The following FABP6 variants were observed in gnomAD, a reference collection of about 807,000 sequenced individuals.
FABP6 encodes gastrotropin.
In FABP6, 13 loss-of-function variants were observed where a neutral mutation model predicts 14.9. The observed-to-expected ratio is 0.87, with a 90% CI of 0.57 to 1.39. The LOEUF (loss-of-function observed/expected upper bound fraction) is 1.39, where lower values mean the gene tolerates loss of function less well. FABP6 is among the 40% of genes most tolerant of loss of function. FABP6 has a pLI of 0.00. For missense variants in FABP6, 161 were observed against 167.2 expected, an observed-to-expected ratio of 0.96 and a Z score of 0.20; for synonymous variants, 75 against 63.6, an observed-to-expected ratio of 1.18 and a Z score of -0.85.
intron 1 of FABP6, among the ~76,000 whole-genome samples, chr5:160,189,146 G>C (rs568092526): frequency 6.6e-6 from 1 of 152,270 alleles, no homozygotes; most frequent in Non-Finnish European, 1.5e-5. Context: ...CCATGGATAA[G>C]ACATAAACGA....
chr5:160,227,749 C>A (rs1199927947), upstream of FABP6, among the ~76,000 whole-genome samples: 1 of 151,634 alleles, frequency 6.6e-6, no homozygotes, highest in Non-Finnish European at 1.5e-5. Flanking sequence ...CACAGGCCAC[C>A]TCTGACAGGA....
At chr5:160,235,417 C>T (rs1349986866) in intron 3 of FABP6, among the ~76,000 whole-genome samples, 8 of 152,184 alleles carry the variant, frequency 5.3e-5, no homozygotes, top group Non-Finnish European at 1.5e-5. Flanking sequence ...TAAATATTGG[C>T]AACTAATTAA....
chr5:160,218,738 G>A (rs554227344), intron 3 of FABP6, among the ~76,000 whole-genome samples: 1 of 151,674 alleles, frequency 6.6e-6, no homozygotes, highest in South Asian at 2.1e-4. Flanking sequence ...TGGGATTACG[G>A]GCATGAGCCA....
intron 3 of FABP6, chr5:160,213,874 C>A: frequency 7.0e-7 from 1 of 1,436,914 alleles, no homozygotes; most frequent in Non-Finnish European, 9.8e-7. Context: ...GATTCTGGTT[C>A]TAGTTCCTCA....
At chr5:160,224,316 C>G (rs985307920) in intron 3 of FABP6, among the ~76,000 whole-genome samples, 2 of 152,012 alleles carry the variant, frequency 1.3e-5, no homozygotes, top group African/African-American at 2.4e-5. Flanking sequence ...CCTAGCTACT[C>G]GTGAGCCTGA....
At chr5:160,188,586 C>T (rs921644862) in intron 1 of FABP6, among the ~76,000 whole-genome samples, 4 of 152,182 alleles carry the variant, frequency 2.6e-5, no homozygotes, top group African/African-American at 4.8e-5. Flanking sequence ...CCGGGGACCC[C>T]GCTAAACGGA....
chr5:160,208,997 C>G (rs1017344470), intron 2 of FABP6, among the ~76,000 whole-genome samples: 9 of 151,628 alleles, frequency 5.9e-5, no homozygotes, highest in Admixed American at 1.3e-4. Context: ...AGGCTGGTCT[C>G]AAACTCCTGA....
At chr5:160,189,117 G>A (rs1463827317) in intron 1 of FABP6, among the ~76,000 whole-genome samples, 3 of 152,080 alleles carry the variant, frequency 2.0e-5, no homozygotes, top group East Asian at 3.8e-4. Context: ...ATTCAACTCC[G>A]TCATTGTAGC....
At chr5:160,193,393 C>G (rs760994708) in intron 1 of FABP6, among the ~76,000 whole-genome samples, 3 of 152,068 alleles carry the variant, frequency 2.0e-5, no homozygotes, top group Non-Finnish European at 2.9e-5. Context: ...AGATTTATTG[C>G]AAAGAGCAAA....
chr5:160,237,826 G>A (rs533923889), intron 3 of FABP6, among the ~76,000 whole-genome samples: 4 of 152,250 alleles, frequency 2.6e-5, no homozygotes, highest in Admixed American at 2.0e-4. Flanking sequence ...TCTGTGCCAT[G>A]TGCTTCCTCT....
chr5:160,203,063 G>A (rs72643440), intron 2 of FABP6, among the ~76,000 whole-genome samples: 9,673 of 151,860 alleles, frequency 0.064, 541 homozygotes, highest in East Asian at 0.35. Flanking sequence ...CACCGTATCC[G>A]GCTAGTTTTT....
intron 3 of FABP6, 34 bp downstream of exon 3, chr5:160,234,943 G>T (rs1459896605): frequency 1.3e-6 from 2 of 1,589,118 alleles, no homozygotes; most frequent in Non-Finnish European, 1.7e-6. Flanking sequence ...GATGATTATT[G>T]GATATTTGTC....
chr5:160,231,298 G>C (rs533921995), intron 1 of FABP6, among the ~76,000 whole-genome samples: 2 of 152,276 alleles, frequency 1.3e-5, no homozygotes, highest in South Asian at 4.1e-4. Flanking sequence ...GACCTGATTC[G>C]GTCATTAAAT....
chr5:160,211,703 T>G (rs1028159549), intron 2 of FABP6, among the ~76,000 whole-genome samples: 1 of 152,222 alleles, frequency 6.6e-6, no homozygotes, highest in Non-Finnish European at 1.5e-5. Context: ...TGGAGCTTTT[T>G]CATCCTTTCT....
chr5:160,193,343 C>T (rs745774921), intron 1 of FABP6, among the ~76,000 whole-genome samples: 3 of 152,096 alleles, frequency 2.0e-5, no homozygotes, highest in Non-Finnish European at 4.4e-5. Flanking sequence ...AGTGTTATAG[C>T]TCATAAAAGC....
At chr5:160,199,233 T>C in intron 2 of FABP6, 1 of 1,476,734 alleles carries the variant, frequency 6.8e-7, no homozygotes, top group Middle Eastern at 1.7e-4. Flanking sequence ...GGAGAACACC[T>C]TGGGTGGGGG....
At chr5:160,221,913 G>A (rs11957752) in intron 3 of FABP6, among the ~76,000 whole-genome samples, 42,495 of 152,056 alleles carry the variant, frequency 0.28, 6,039 homozygotes, top group East Asian at 0.45. Context: ...TTTAACAGCA[G>A]CTGGCTCTGG....
chr5:160,215,619 T>G, intron 3 of FABP6, among the ~76,000 whole-genome samples: 1 of 149,782 alleles, frequency 6.7e-6, no homozygotes, highest in Non-Finnish European at 1.5e-5. Context: ...GCCCAGGAGG[T>G]TGAGGTGGCA....
At chr5:160,208,549 AT>A (rs1759817379) in intron 2 of FABP6, among the ~76,000 whole-genome samples, 1 of 152,352 alleles carries the variant, frequency 6.6e-6, no homozygotes, top group Admixed American at 6.5e-5. Flanking sequence ...AGGTGATAGG[AT>A]CATGAAGACT....
Sources: gnomAD v4.1 joint callset for allele counts (sites outside exome capture counted in the v4.1 genomes callset) on GRCh38, gnomAD v4.1.1 for gene constraint, MANE v1.5 for transcripts, NCBI Gene and HGNC (gene_info 2026-07-23, HGNC 2026-07-21) for gene names.